CDC27: variants seen among roughly 807,000 people sequenced by gnomAD.
CDC27 encodes the protein cell division cycle protein 27 homolog.
CDC27 carries 27 observed loss-of-function variants against 109.7 expected under a neutral mutation model. The observed-to-expected ratio is 0.25, with a 90% confidence interval of 0.18 to 0.34. The LOEUF (loss-of-function observed/expected upper bound fraction) is 0.34, where lower values mean the gene tolerates loss of function less well. CDC27 is among the 10% of genes least tolerant of loss of function. CDC27 has a pLI of 1.00. For missense variants in CDC27, 579 were observed against 960.2 expected, an observed-to-expected ratio of 0.60 and a Z score of 5.25; for synonymous variants, 266 against 333.9, an observed-to-expected ratio of 0.80 and a Z score of 2.22.
intron 14 of CDC27, among the ~76,000 whole-genome samples, chr17:47,132,988 C>CATATAT (rs1158266100): frequency 2.5e-3 from 101 of 40,816 alleles, no homozygotes; most frequent in Middle Eastern, 0.011. Flanking sequence ...TGCCCAGGCG[C>CATATAT]ATATATATAT....
chr17:47,150,518 T>C (rs531476741), intron 9 of CDC27, among the ~76,000 whole-genome samples: 1 of 152,302 alleles, frequency 6.6e-6, no homozygotes, highest in South Asian at 2.1e-4. Flanking sequence ...TATCAGAAGC[T>C]GGAGGAGGCA....
At chr17:47,168,690 T>C (rs1598556223) in intron 4 of CDC27, among the ~76,000 whole-genome samples, 1 of 152,226 alleles carries the variant, frequency 6.6e-6, no homozygotes, top group Admixed American at 6.5e-5. Context: ...ATTGATATTA[T>C]GTCTTTGCTT....
At position 47,180,059 on chromosome 17, in the gene CDC27, T is replaced by G. The variant is rs558932375; in HGVS notation, c.103+1503A>C. Among the ~76,000 whole-genome samples, 39 of 152,204 alleles carry G rather than the reference T, an allele frequency of 2.6e-4. 1 individual carries two copies. The highest frequency in any genetic ancestry group is 9.4e-4 in the African/African-American group (39 of 41,530). On this transcript the variant is annotated intron_variant, in intron 2 of 18. Transcript: ENST00000066544. Reference sequence around the variant, plus strand: ...AGGAGGATCACTTCAGTCCAGGAGTTCAAGGCTGCAGTGAGCTATGATTGT... The same window carrying G: ...AGGAGGATCACTTCAGTCCAGGAGTGCAAGGCTGCAGTGAGCTATGATTGT...
chr17:47,129,679 T>C (rs1244862062), intron 15 of CDC27, among the ~76,000 whole-genome samples, 158 bp from the exon 16 acceptor site: 7 of 152,220 alleles, frequency 4.6e-5, no homozygotes, highest in African/African-American at 1.7e-4. Flanking sequence ...AGTAATTAAT[T>C]ACCAAATGAT....
intron 14 of CDC27, among the ~76,000 whole-genome samples, chr17:47,136,601 T>A (rs942583636): frequency 6.6e-6 from 1 of 152,172 alleles, no homozygotes; most frequent in African/African-American, 2.4e-5. Flanking sequence ...GATAACAATA[T>A]GACCTAGGTA....
chr17:47,159,477 G>A (rs2063424215), intron 4 of CDC27: 1 of 579,474 alleles, frequency 1.7e-6, no homozygotes, highest in Non-Finnish European at 2.9e-6. Flanking sequence ...CGTGCTCCTG[G>A]GGGTGCGACG....
chr17:47,168,911 G>A (rs751420012), intron 4 of CDC27, among the ~76,000 whole-genome samples: 6 of 151,808 alleles, frequency 4.0e-5, no homozygotes, highest in African/African-American at 9.7e-5. Flanking sequence ...CTTCTCCCAC[G>A]GGGGAGAAGT....
chr17:47,158,355 T>C, intron 4 of CDC27, 52 bp from the exon 5 acceptor site: 1 of 885,784 alleles, frequency 1.1e-6, no homozygotes. Flanking sequence ...AAAACCTGTA[T>C]CATAAACTTT....
At chr17:47,152,726 T>G (rs1251971698) in intron 8 of CDC27, among the ~76,000 whole-genome samples, 3 of 152,206 alleles carry the variant, frequency 2.0e-5, no homozygotes, top group Non-Finnish European at 4.4e-5. Flanking sequence ...ATAATCACTG[T>G]CTCATCAGAT....
chr17:47,170,122 G>T, intron 3 of CDC27, 80 bp from the exon 4 acceptor site: 1 of 1,130,592 alleles, frequency 8.8e-7, no homozygotes, highest in Non-Finnish European at 1.2e-6. Flanking sequence ...TTACCAAAGT[G>T]CATCTAACTA....
At chr17:47,137,123 C>T (rs761802256) in intron 14 of CDC27, 29 bp downstream of exon 14, 12 of 1,400,930 alleles carry the variant, frequency 8.6e-6, no homozygotes, top group Non-Finnish European at 9.9e-6. Context: ...ATCAATACGA[C>T]TTTGTCTTTG....
At chr17:47,169,645 C>CA (rs373074410) in intron 4 of CDC27, among the ~76,000 whole-genome samples, 2,019 of 59,900 alleles carry the variant, frequency 0.034, 31 homozygotes, top group Middle Eastern at 0.057. Flanking sequence ...AACTCCATCT[C>CA]AAAAAAAAAA....
chr17:47,158,421 C>T, intron 4 of CDC27, 118 bp from the exon 5 acceptor site: 1 of 422,316 alleles, frequency 2.4e-6, no homozygotes, highest in Non-Finnish European at 4.1e-6. Context: ...CTTTGTGATG[C>T]TTCTCTAAGT....
intron 14 of CDC27, 84 bp from the exon 15 acceptor site, chr17:47,132,458 G>T: frequency 1.8e-6 from 1 of 569,466 alleles, no homozygotes; most frequent in Non-Finnish European, 2.9e-6. Context: ...AACAAGTATA[G>T]AATCTGGCAT....
chr17:47,145,727 C>A lies in CDC27; in HGVS notation c.1071-1745G>T, dbSNP rs540364625. The stretch of plus-strand genomic sequence containing the variant: ...ATCATCCTGGCCAACATGGTGGAAC[C>A]CCATCTCTACTAAAAATACAAAAAT... On this transcript the variant is annotated intron_variant, in intron 9 of 18. Coordinates refer to ENST00000066544, the MANE Select transcript of CDC27 (RefSeq NM_001256.6). Among the ~76,000 whole-genome samples the A allele has an allele frequency of 9.2e-5, 14 of 152,084 alleles. No homozygotes were observed. The East Asian group carries it at 2.3e-3, about 25-fold the overall frequency.
At chr17:47,142,475 G>T in intron 10 of CDC27, 39 bp from the exon 11 acceptor site, 1 of 811,864 alleles carries the variant, frequency 1.2e-6, no homozygotes, top group Non-Finnish European at 2.0e-6. Context: ...TTATACTCAT[G>T]TATTTTAGAT....
intron 17 of CDC27, 71 bp from the exon 18 acceptor site, chr17:47,122,671 T>G: frequency 9.5e-7 from 1 of 1,056,520 alleles, no homozygotes; most frequent in Non-Finnish European, 1.3e-6. Context: ...TAACTATATA[T>G]ATACTTATTT....
intron 17 of CDC27, among the ~76,000 whole-genome samples, chr17:47,122,959 G>A (rs901851284): frequency 5.9e-5 from 9 of 152,176 alleles, no homozygotes; most frequent in African/African-American, 1.9e-4. Context: ...GAGCCACCGC[G>A]CCCAGCCTCT....
At position 47,119,778 on chromosome 17, in the gene CDC27, C is replaced by T. The variant is rs2061944638; in HGVS notation, c.*1157G>A. 6.6e-6 allele frequency: 1 copy of T among 152,134 alleles called. No individual in the cohort carries two copies. Among genetic ancestry groups the T allele is most frequent in the South Asian group, 2.1e-4 (1 of 4,836 alleles). The allele number at this position is 152,134 out of a possible 1,614,324, so 9.4% of individuals were successfully genotyped here. A position where few individuals can be genotyped will look rare whatever the true frequency, so the allele number is the denominator to read the frequency against. ...ACAAACTCAGAAGAGAACCTATCTCCTTCATAAGAATGTTTTTTCCCCCAA... is the reference window on the plus strand; with the variant it reads ...ACAAACTCAGAAGAGAACCTATCTCTTTCATAAGAATGTTTTTTCCCCCAA... On this transcript the variant is annotated 3_prime_UTR_variant, in exon 19 of 19. Transcript: ENST00000066544.
Sources: gnomAD v4.1 joint callset for allele counts (sites outside exome capture counted in the v4.1 genomes callset) on GRCh38, gnomAD v4.1.1 for gene constraint, MANE v1.5 for transcripts, NCBI Gene and HGNC (gene_info 2026-07-23, HGNC 2026-07-21) for gene names.